Variants in MRPL15 observed in about 807,000 individuals in gnomAD.
MRPL15 encodes large ribosomal subunit protein uL15m.
MRPL15 carries 24 observed loss-of-function variants against 28.0 expected under a neutral mutation model. That is an observed-to-expected ratio of 0.86 (90% confidence interval 0.62 to 1.21). MRPL15 has a LOEUF of 1.21. Among genes scored for constraint, MRPL15 ranks in the 50% most tolerant of loss-of-function variants. MRPL15 has a pLI of 0.00. For missense variants in MRPL15, 343 were observed against 372.4 expected, an observed-to-expected ratio of 0.92 and a Z score of 0.65; for synonymous variants, 124 against 137.0, an observed-to-expected ratio of 0.90 and a Z score of 0.66.
intron 4 of MRPL15, among the ~76,000 whole-genome samples, chr8:54,144,254 A>G (rs1199666113): frequency 1.3e-5 from 2 of 152,254 alleles, no homozygotes; most frequent in African/African-American, 4.8e-5. Flanking sequence ...AGAGATGACA[A>G]CCAAATGTAA....
rs889580954 is a variant in MRPL15 at position 54,135,278 on chromosome 8, C to G, written c.-6C>G. On this transcript the variant is annotated 5_prime_UTR_variant, in exon 1 of 5. Transcript: ENST00000260102. ...GCGCCCTTGAAAGTTCTTGGATCTG[C>G]GGGTTATGGCCGGTCCCTTGCAGGG... 3 of 1,332,440 alleles carry G rather than the reference C, an allele frequency of 2.3e-6. No individual in the cohort carries two copies. The African/African-American group carries it at 4.6e-5, about 20-fold the overall frequency. The allele number at this position is 1,332,440 out of a possible 1,614,324, so 82.5% of individuals were successfully genotyped here. A position where few individuals can be genotyped will look rare whatever the true frequency, so the allele number is the denominator to read the frequency against.
At chr8:54,140,574 CTT>C (rs71551976) in intron 3 of MRPL15, among the ~76,000 whole-genome samples, 10 of 99,590 alleles carry the variant, frequency 1.0e-4, no homozygotes, top group South Asian at 4.7e-4. Context: ...ATTTTCTTTT[CTT>C]TTTTTTTTTT....
At chr8:54,137,471 G>T (rs1201974503) in intron 3 of MRPL15, 38 bp downstream of exon 3, 2 of 1,592,242 alleles carry the variant, frequency 1.3e-6, no homozygotes, top group Non-Finnish European at 1.7e-6. Flanking sequence ...TATATAGGAG[G>T]ATTTTTTTTT....
In MRPL15 at chr8:54,146,086, C is replaced by T. The variant is rs182916279; in HGVS notation, c.554-1296C>T. Reference sequence around the variant, plus strand: ...CTGTCAGATTCTTGCATTCAGCAAACAGCCAGAGGCTAGTGTTTGCTAGAT... The same window carrying T: ...CTGTCAGATTCTTGCATTCAGCAAATAGCCAGAGGCTAGTGTTTGCTAGAT... On this transcript the variant is annotated intron_variant, in intron 4 of 4. Coordinates refer to ENST00000260102, the MANE Select transcript of MRPL15 (RefSeq NM_014175.4). 7.0e-4 allele frequency among the ~76,000 whole-genome samples: 106 copies of T among 151,944 alleles called. 1 individual carries two copies. In the East Asian group the frequency reaches 0.016, roughly 23 times the overall value.
Position 54,147,553 on chromosome 8 carries a change from A to G in MRPL15, c.725A>G (p.Tyr242Cys), listed in dbSNP as rs1554556909. 1 of 1,614,202 alleles carries G rather than the reference A, an allele frequency of 6.2e-7. No homozygotes were observed. The highest frequency in any genetic ancestry group is 8.5e-7 in the Non-Finnish European group (1 of 1,180,040). Residue 242 changes from tyrosine (Y) to cysteine (C), a missense_variant, in exon 5 of 5, where the codon TAT becomes TGT. Tyr to Cys is a radical substitution (Grantham distance 194). Coordinates refer to ENST00000260102, the MANE Select transcript of MRPL15 (RefSeq NM_014175.4). ...ARLELARKYG[Y>C]ILPDITKDEL... ...CTTGAACTCGCCAGGAAGTATGGTT[A>G]TATCTTACCTGATATCACTAAAGAT...
At chr8:54,136,812 T>C in intron 2 of MRPL15, 147 bp downstream of exon 2, 4 of 1,019,926 alleles carry the variant, frequency 3.9e-6, no homozygotes, top group Non-Finnish European at 5.6e-6. Flanking sequence ...TTTTTGGTAA[T>C]GAAATCTTGC....
At chr8:54,135,415 G>A in intron 1 of MRPL15, 24 bp downstream of exon 1, 1 of 1,519,808 alleles carries the variant, frequency 6.6e-7, no homozygotes, top group East Asian at 2.7e-5. Flanking sequence ...GGCGGTGCGG[G>A]GAAGCGCTGG....
At chr8:54,136,486 A>G (rs1271017898) in intron 1 of MRPL15, 25 bp from the exon 2 acceptor site, 1 of 1,586,562 alleles carries the variant, frequency 6.3e-7, no homozygotes, top group South Asian at 1.1e-5. Flanking sequence ...TCTGAAATTC[A>G]TAAAATTCTT....
chr8:54,136,156 T>A (rs1810824353), intron 1 of MRPL15, among the ~76,000 whole-genome samples: 1 of 152,274 alleles, frequency 6.6e-6, no homozygotes, highest in African/African-American at 2.4e-5. Context: ...AACATTTGCA[T>A]ATTTACAATT....
rs1408599010 is a variant in MRPL15 at position 54,147,930 on chromosome 8, A to T, written c.*211A>T. Reference sequence around the variant, plus strand: ...AGTCTGTGTGGGTTCTGTCTCAAAGATACAAACTCCCTGATAGTCTATGGA... The same window carrying T: ...AGTCTGTGTGGGTTCTGTCTCAAAGTTACAAACTCCCTGATAGTCTATGGA... On this transcript the variant is annotated 3_prime_UTR_variant, in exon 5 of 5. Transcript: ENST00000260102. 2.0e-6 allele frequency: 1 copy of T among 497,506 alleles called. No individual in the cohort carries two copies. The highest frequency in any genetic ancestry group is 3.5e-6 in the Non-Finnish European group (1 of 283,698). 30.8% of individuals were successfully genotyped at this position (497,506 alleles called of 1,614,324 possible). A position where few individuals can be genotyped will look rare whatever the true frequency, so the allele number is the denominator to read the frequency against.
chr8:54,138,770 T>C (rs534005151), intron 3 of MRPL15, among the ~76,000 whole-genome samples: 1 of 152,328 alleles, frequency 6.6e-6, no homozygotes, highest in African/African-American at 2.4e-5. Flanking sequence ...TTCATTGTCT[T>C]CCTCACTAGA....
At chr8:54,141,854 AT>A (rs11438921) in intron 3 of MRPL15, among the ~76,000 whole-genome samples, 165 of 139,946 alleles carry the variant, frequency 1.2e-3, no homozygotes, top group Admixed American at 1.6e-3. Flanking sequence ...TGTTGTATTG[AT>A]TTTTTTTTTT....
intron 1 of MRPL15, 116 bp from the exon 2 acceptor site, chr8:54,136,395 G>A (rs1402888806): frequency 9.0e-7 from 1 of 1,106,152 alleles, no homozygotes; most frequent in Non-Finnish European, 1.3e-6. Flanking sequence ...TGACACAATA[G>A]TGTTAGCTAG....
chr8:54,147,997 T>C lies in MRPL15; in HGVS notation c.*278T>C, dbSNP rs757803715. The C allele has an allele frequency of 6.3e-6, 2 of 317,316 alleles. No homozygotes were observed. Among genetic ancestry groups the C allele is most frequent in the Non-Finnish European group, 1.2e-5 (2 of 171,258 alleles). The allele number at this position is 317,316 out of a possible 1,614,324, so 19.7% of individuals were successfully genotyped here. ...TTTTAGAATATTTCTAGTTTGTTTT[T>C]TCAGTGATCTTTTCATCCAGGCCTT... On this transcript the variant is annotated 3_prime_UTR_variant, in exon 5 of 5. Coordinates refer to ENST00000260102, the MANE Select transcript of MRPL15 (RefSeq NM_014175.4).
intron 3 of MRPL15, among the ~76,000 whole-genome samples, chr8:54,138,982 A>C (rs951360614): frequency 1.3e-5 from 2 of 151,626 alleles, no homozygotes; most frequent in African/African-American, 2.4e-5. Context: ...ACCTGCCACC[A>C]GGCCCAGCTA....
Position 54,147,480 on chromosome 8 carries a change from A to G in MRPL15, c.652A>G (p.Lys218Glu), listed in dbSNP as rs1281733693. 1 of 1,614,216 alleles carries G rather than the reference A, an allele frequency of 6.2e-7. No individual in the cohort carries two copies. Among genetic ancestry groups the G allele is most frequent in the Non-Finnish European group, 8.5e-7 (1 of 1,180,046 alleles). Residue 218 changes from lysine to glutamate, a missense_variant, in exon 5 of 5, where the codon AAG becomes GAG. Transcript: ENST00000260102. ...ACTGGTACCATATTACACTGATGCAAAGAACCGTGGGTACCTGGCGGATCC... is the reference window on the plus strand; with the variant it reads ...ACTGGTACCATATTACACTGATGCAGAGAACCGTGGGTACCTGGCGGATCC... Reference protein sequence around the residue: ...EELVPYYTDAKNRGYLADPAK... With the variant: ...EELVPYYTDAENRGYLADPAK...
At chr8:54,142,949 C>A in intron 4 of MRPL15, 163 bp downstream of exon 4, 3 of 1,047,468 alleles carry the variant, frequency 2.9e-6, no homozygotes, top group East Asian at 2.6e-5. Flanking sequence ...CAGCCTGTTG[C>A]TGACACATAC....
chr8:54,140,527 T>C (rs1810903970), intron 3 of MRPL15, among the ~76,000 whole-genome samples: 2 of 150,816 alleles, frequency 1.3e-5, no homozygotes. Context: ...CCTCCCGAAG[T>C]GCTAGGATTG....
chr8:54,143,160 AACTTCTG>A (rs1810961467), intron 4 of MRPL15, among the ~76,000 whole-genome samples: 1 of 151,902 alleles, frequency 6.6e-6, no homozygotes, highest in Non-Finnish European at 1.5e-5. Flanking sequence ...TGCTCACTGC[AACTTCTG>A]CCTCCCAGGT....
Sources: gnomAD v4.1 joint callset for allele counts (sites outside exome capture counted in the v4.1 genomes callset) on GRCh38, gnomAD v4.1.1 for gene constraint, MANE v1.5 for transcripts, NCBI Gene and HGNC (gene_info 2026-07-23, HGNC 2026-07-21) for gene names.